The following PRR14L variants were observed in gnomAD, a reference collection of about 807,000 sequenced individuals.
PRR14L encodes the protein protein PRR14L.
A neutral mutation model predicts 155.0 loss-of-function variants in PRR14L; 80 were observed. The observed-to-expected ratio is 0.52, with a 90% CI of 0.43 to 0.62. PRR14L has a LOEUF of 0.62. PRR14L is among the 20% of genes least tolerant of loss of function. The probability of loss-of-function intolerance (pLI) is 0.00; values close to 1 mark genes in which losing one functional copy is unlikely to be tolerated. For missense variants in PRR14L, 2,469 were observed against 2,548.0 expected (o/e 0.97, Z 0.67); for synonymous variants, 883 against 916.0 (o/e 0.96, Z 0.65).
rs2074477910 is a variant in PRR14L at position 31,685,475 on chromosome 22, CA to C, written c.*51del. The C allele has an allele frequency of 7.9e-7, 1 of 1,270,192 alleles. No individual in the cohort carries two copies. The highest frequency in any genetic ancestry group is 2.7e-5 in the East Asian group (1 of 37,592). The allele number at this position is 1,270,192 out of a possible 1,614,324, so 78.7% of individuals were successfully genotyped here. Reference sequence around the variant, plus strand: ...CAAAAAAAAAAAAAAAACCCAAAAACAAAACAAAACAAAAAAACCCTAAAAT... The same window carrying C: ...CAAAAAAAAAAAAAAAACCCAAAAACAAACAAAACAAAAAAACCCTAAAAT... On this transcript the variant is annotated 3_prime_UTR_variant, in exon 9 of 9. Coordinates refer to ENST00000327423, the MANE Select transcript of PRR14L (RefSeq NM_173566.3).
At chr22:31,744,843 T>C (rs886210311) in intron 1 of PRR14L, among the ~76,000 whole-genome samples, 2 of 152,164 alleles carry the variant, frequency 1.3e-5, no homozygotes, top group African/African-American at 4.8e-5. Context: ...TCATAAACAG[T>C]GAATACTGAT....
rs865927019 is a variant in PRR14L at position 31,715,160 on chromosome 22, G to A, written c.2679C>T (p.Ser893=). The A allele has an allele frequency of 6.4e-7, 1 of 1,551,878 alleles. No homozygotes were observed. ...SGISNKTIHT[S]SSIKLSEEGL... ...CTTCCTCACTGAGTTTGATGCTACT[G>A]GAGGTGTGAATGGTTTTGTTTGAAA... Residue 893 remains serine (S), a synonymous_variant, in exon 4 of 9, where the codon TCC becomes TCT. Coordinates refer to ENST00000327423, the MANE Select transcript of PRR14L (RefSeq NM_173566.3).
intron 1 of PRR14L, among the ~76,000 whole-genome samples, chr22:31,746,323 T>C (rs1350330848): frequency 6.6e-6 from 1 of 152,234 alleles, no homozygotes; most frequent in Non-Finnish European, 1.5e-5. Flanking sequence ...GATAAGTGTA[T>C]TTTCAGTATT....
intron 3 of PRR14L, among the ~76,000 whole-genome samples, chr22:31,719,128 T>C (rs2074676758): frequency 6.6e-6 from 1 of 152,020 alleles, no homozygotes; most frequent in African/African-American, 2.4e-5. Flanking sequence ...CTGAGTTTGA[T>C]GCAGTACCTC....
In PRR14L at chr22:31,685,485, CAAAAA is replaced by C; in HGVS notation, c.*37_*41del. On this transcript the variant is annotated 3_prime_UTR_variant, in exon 9 of 9. Coordinates refer to ENST00000327423, the MANE Select transcript of PRR14L (RefSeq NM_173566.3). ...AAAAAAACCCAAAAACAAAACAAAA[CAAAAA>C]AACCCTAAAATTGAGACCCTCAAAC... 1 of 1,359,680 alleles carries C rather than the reference CAAAAA, an allele frequency of 7.4e-7. No homozygotes were observed. Among genetic ancestry groups the C allele is most frequent in the Non-Finnish European group, 9.7e-7 (1 of 1,026,678 alleles). The allele number at this position is 1,359,680 out of a possible 1,614,324, so 84.2% of individuals were successfully genotyped here.
In PRR14L at chr22:31,685,768, C is replaced by T. The variant is rs769688363; in HGVS notation, c.6215G>A (p.Arg2072Gln). 35 of 1,551,514 alleles carry T rather than the reference C, an allele frequency of 2.3e-5. No individual in the cohort carries two copies. In the African/African-American group the frequency reaches 4.0e-4, roughly 18 times the overall value. The change falls in exon 9 of 9, where the codon CGA (arginine) becomes CAA (glutamine). Residue 2072 changes from arginine to glutamine, a missense_variant. Physicochemically the swap from Arg to Gln is conservative, Grantham distance 43. Transcript: ENST00000327423. ...GCTGATTGAGATTAGTGTACCATTT[C>T]GTTCCTTGGGTTCCTCAAAGATGGT... is the stretch of plus-strand genomic sequence containing the variant. ...LETIFEEPKERNGTLISISQQ... is the reference protein window; with the variant it reads ...LETIFEEPKEQNGTLISISQQ...
Position 31,713,355 on chromosome 22 carries a change from G to T in PRR14L, c.4484C>A (p.Ala1495Glu). The T allele has an allele frequency of 6.4e-6, 10 of 1,552,198 alleles. No individual in the cohort carries two copies. The highest frequency in any genetic ancestry group is 8.7e-6 in the Non-Finnish European group (10 of 1,147,092). The change falls in exon 4 of 9, where the codon GCA becomes GAA. Residue 1495 changes from alanine (A) to glutamate (E), a missense_variant. Transcript: ENST00000327423. The stretch of plus-strand genomic sequence containing the variant: ...ACACCCAGCAGAGGAGGGGTCTTGT[G>T]CTTTCCGAGGGGCACCAAGAAGGCA... ...SPCLLGAPRK[A>E]QDPSSAGCDQ... is the part of the protein sequence containing the mutation.
intron 1 of PRR14L, among the ~76,000 whole-genome samples, chr22:31,746,214 T>C (rs997308378): frequency 1.3e-5 from 2 of 152,172 alleles, no homozygotes; most frequent in African/African-American, 4.8e-5. Flanking sequence ...CACCCAGCCT[T>C]GTACTTATTT....
In PRR14L at chr22:31,715,183, A is replaced by G. The variant is rs1277981137; in HGVS notation, c.2656T>C (p.Ser886Pro). The change falls in exon 4 of 9, where the codon TCA (serine) becomes CCA (proline). Residue 886 changes from serine (S) to proline (P), a missense_variant. Physicochemically the swap from Ser to Pro is moderately conservative, Grantham distance 74. Around this residue, in one of 2 missense-constraint regions of PRR14L, gnomAD observed 2,363 missense variants for 2,371.6 expected, o/e 1.00. Coordinates refer to ENST00000327423, the MANE Select transcript of PRR14L (RefSeq NM_173566.3). ...MVAGLLNSGI[S>P]NKTIHTSSSI... is the part of the protein sequence containing the mutation. The stretch of plus-strand genomic sequence containing the variant: ...CTGGAGGTGTGAATGGTTTTGTTTG[A>G]AATTCCACTATTTAACAAGCCTGCT... The G allele has an allele frequency of 1.9e-6, 3 of 1,552,066 alleles. No homozygotes were observed. The East Asian group carries it at 7.3e-5, about 38-fold the overall frequency.
At position 31,681,728 on chromosome 22, in the gene PRR14L, T is replaced by C. The variant is rs1194008517; in HGVS notation, c.*3799A>G. The C allele has an allele frequency of 6.6e-6, 1 of 152,208 alleles. No individual in the cohort carries two copies. Among genetic ancestry groups the C allele is most frequent in the Non-Finnish European group, 1.5e-5 (1 of 68,036 alleles). 9.4% of individuals were successfully genotyped at this position (152,208 alleles called of 1,614,324 possible). ...TAGCTTTTGCTGCTTGATTTGTGGC[T>C]AGACGGTAACATTAAACTGTAATTT... On this transcript the variant is annotated 3_prime_UTR_variant, in exon 9 of 9. Coordinates refer to ENST00000327423, the MANE Select transcript of PRR14L (RefSeq NM_173566.3).
At position 31,714,854 on chromosome 22, in the gene PRR14L, A is replaced by G. The variant is rs1442683115; in HGVS notation, c.2985T>C (p.Ser995=). 6.4e-7 allele frequency: 1 copy of G among 1,551,854 alleles called. No individual in the cohort carries two copies. Among genetic ancestry groups the G allele is most frequent in the East Asian group, 2.4e-5 (1 of 40,934 alleles). ...EGQSAKEMLS[S]DQRETVTEPH... ...GCTCGGTGACAGTCTCTCTCTGGTC[A>G]CTACTTAGCATCTCCTTGGCTGACT... Residue 995 remains serine (S), a synonymous_variant, in exon 4 of 9, where the codon AGT becomes AGC. Transcript: ENST00000327423.
Position 31,685,224 on chromosome 22 carries a change from C to A in PRR14L, c.*303G>T. ...GTTACTGAAGATAGGCTGCTGCTTC[C>A]TCCTGTGGATGGCAGAGACTGAGGA... On this transcript the variant is annotated 3_prime_UTR_variant, in exon 9 of 9. Coordinates refer to ENST00000327423, the MANE Select transcript of PRR14L (RefSeq NM_173566.3). The A allele has an allele frequency of 3.6e-6, 1 of 276,354 alleles. No homozygotes were observed. The highest frequency in any genetic ancestry group is 7.5e-5 in the South Asian group (1 of 13,370). The allele number at this position is 276,354 out of a possible 1,614,324, so 17.1% of individuals were successfully genotyped here. A position where few individuals can be genotyped will look rare whatever the true frequency, so the allele number is the denominator to read the frequency against.
intron 2 of PRR14L, among the ~76,000 whole-genome samples, chr22:31,735,755 AAGAT>A (rs2074776731): frequency 6.6e-6 from 1 of 151,808 alleles, no homozygotes; most frequent in Admixed American, 6.6e-5. Flanking sequence ...GTATTTTTAA[AAGAT>A]AGGGCATTGG....
At chr22:31,732,232 TAAC>T (rs1234488370) in intron 2 of PRR14L, among the ~76,000 whole-genome samples, 2 of 152,210 alleles carry the variant, frequency 1.3e-5, no homozygotes. Context: ...ATTTTTTACT[TAAC>T]AGCATATCTT....
intron 7 of PRR14L, among the ~76,000 whole-genome samples, chr22:31,688,901 TACACACAC>T (rs149232375): frequency 8.8e-5 from 13 of 147,768 alleles, no homozygotes; most frequent in Non-Finnish European, 1.6e-4. Flanking sequence ...AATATATACA[TACACACAC>T]ACACACACAC....
chr22:31,686,669 A>T (rs1284589438), intron 8 of PRR14L, among the ~76,000 whole-genome samples: 3 of 152,088 alleles, frequency 2.0e-5, no homozygotes, highest in Non-Finnish European at 2.9e-5. Context: ...CAAGGGCTCC[A>T]GTGATCCTCC....
intron 3 of PRR14L, among the ~76,000 whole-genome samples, chr22:31,724,840 T>C (rs1176236693): frequency 1.3e-5 from 2 of 152,134 alleles, no homozygotes; most frequent in Non-Finnish European, 2.9e-5. Context: ...TCAACCAACC[T>C]AAAAGTAATA....
intron 1 of PRR14L, among the ~76,000 whole-genome samples, chr22:31,744,834 C>G (rs1275929542): frequency 1.3e-5 from 2 of 152,182 alleles, no homozygotes; most frequent in Non-Finnish European, 1.5e-5. Context: ...AGATCTTTAT[C>G]ATAAACAGTG....
Position 31,683,948 on chromosome 22 carries a change from G to T in PRR14L, c.*1579C>A, listed in dbSNP as rs1202901108. On this transcript the variant is annotated 3_prime_UTR_variant, in exon 9 of 9. Transcript: ENST00000327423. ...CCCTAGAACTCTGACGGTTCCCATC[G>T]GCGGCTGCTCCATGCCAGTGGCTCC... 1 of 152,226 alleles carries T rather than the reference G, an allele frequency of 6.6e-6. No homozygotes were observed. 9.4% of individuals were successfully genotyped at this position (152,226 alleles called of 1,614,324 possible).
Sources: allele counts gnomAD v4.1 joint callset (sites outside exome capture counted in the v4.1 genomes callset), GRCh38; gene constraint gnomAD v4.1.1; regional missense constraint gnomAD v4.1.1; transcripts MANE v1.5; gene names NCBI Gene and HGNC (gene_info 2026-07-23, HGNC 2026-07-21).